RSPRY1: variants seen among roughly 807,000 people sequenced by gnomAD.
RSPRY1 encodes ring finger and SPRY domain containing 1, also known as RING finger and SPRY domain-containing protein 1.
A neutral mutation model predicts 73.1 loss-of-function variants in RSPRY1; 23 were observed. That is an observed-to-expected ratio of 0.31 (90% CI 0.23 to 0.45). The LOEUF is 0.45. Among genes scored for constraint, RSPRY1 ranks in the 20% least tolerant of loss-of-function variants. The pLI is 1.00. For synonymous variants in RSPRY1, 226 were observed against 251.4 expected (o/e 0.90, Z 0.95); for missense variants, 448 against 698.7 (o/e 0.64, Z 4.05).
At position 57,203,072 on chromosome 16, in the gene RSPRY1, G is replaced by A. The variant is rs999790404; in HGVS notation, c.-155-1432G>A. Among the ~76,000 whole-genome samples the A allele has an allele frequency of 8.6e-5, 13 of 152,006 alleles. No individual in the cohort carries two copies. The South Asian group carries it at 1.2e-3, about 15-fold the overall frequency. ...TGTAATCCCAGCACTTTGGGAGGCC[G>A]AGGTGGGCAGATAGCCTGAGGTCAG... is the stretch of plus-strand genomic sequence containing the variant. On this transcript the variant is annotated intron_variant, in intron 1 of 14. Coordinates refer to ENST00000394420, the MANE Select transcript of RSPRY1 (RefSeq NM_133368.3).
Position 57,206,166 on chromosome 16 carries a change from G to A in RSPRY1, c.350+1158G>A, listed in dbSNP as rs572114766. Among the ~76,000 whole-genome samples the A allele has an allele frequency of 1.1e-4, 16 of 152,306 alleles. No individual in the cohort carries two copies. In the South Asian group the frequency reaches 3.1e-3, roughly 30 times the overall value. On this transcript the variant is annotated intron_variant, in intron 2 of 14. Transcript: ENST00000394420. ...ACCTGTAATTCCAACACTTTTGAGA[G>A]GCTGAGGTAGAAAGATAGCTGGAGG...
intron 1 of RSPRY1, among the ~76,000 whole-genome samples, chr16:57,196,034 A>AAT (rs1555499008): frequency 0.16 from 19,857 of 122,456 alleles, 1,692 homozygotes; most frequent in African/African-American, 0.17. Flanking sequence ...AAAAAAAAAA[A>AAT]ATATATATAT....
intron 2 of RSPRY1, 146 bp from the exon 3 acceptor site, chr16:57,207,912 G>A (rs1297188550): frequency 1.6e-6 from 1 of 641,536 alleles, no homozygotes; most frequent in Admixed American, 2.5e-5. Context: ...ACAGGTCATA[G>A]CTCAGGTTGT....
chr16:57,191,869 A>T (rs1457632460), intron 1 of RSPRY1, among the ~76,000 whole-genome samples: 1 of 152,226 alleles, frequency 6.6e-6, no homozygotes, highest in Non-Finnish European at 1.5e-5. Flanking sequence ...ATGGAACAAG[A>T]GGCCTCCTTC....
intron 12 of RSPRY1, 46 bp from the exon 13 acceptor site, chr16:57,231,121 T>G: frequency 6.4e-7 from 1 of 1,568,322 alleles, no homozygotes; most frequent in Middle Eastern, 1.7e-4. Context: ...AACTCTATTT[T>G]GATTTTTATT....
intron 13 of RSPRY1, among the ~76,000 whole-genome samples, chr16:57,233,060 G>C (rs1462233560): frequency 1.3e-5 from 2 of 152,096 alleles, no homozygotes; most frequent in Non-Finnish European, 2.9e-5. Flanking sequence ...TTCATCCTGT[G>C]TTCCAAAAAT....
intron 10 of RSPRY1, among the ~76,000 whole-genome samples, chr16:57,226,686 G>A (rs62038962): frequency 6.6e-6 from 1 of 152,206 alleles, no homozygotes; most frequent in South Asian, 2.1e-4. Flanking sequence ...CTTGGTTTTG[G>A]TGGGTTTTGG....
intron 1 of RSPRY1, among the ~76,000 whole-genome samples, chr16:57,199,487 A>G (rs1363819685): frequency 6.6e-6 from 1 of 152,116 alleles, no homozygotes; most frequent in Non-Finnish European, 1.5e-5. Context: ...GTGAGACTCC[A>G]TCTCAAAAAA....
chr16:57,228,009 T>G (rs980586082), intron 11 of RSPRY1, among the ~76,000 whole-genome samples: 4 of 152,296 alleles, frequency 2.6e-5, no homozygotes, highest in Middle Eastern at 3.4e-3. Context: ...ACTGAATTTT[T>G]AGGCATGCTA....
intron 10 of RSPRY1, among the ~76,000 whole-genome samples, chr16:57,221,705 C>T (rs1280462224): frequency 1.3e-5 from 2 of 152,180 alleles, no homozygotes; most frequent in African/African-American, 2.4e-5. Context: ...GCTTCCACCC[C>T]AGCCACGTAC....
intron 14 of RSPRY1, among the ~76,000 whole-genome samples, chr16:57,236,763 A>G (rs933301043): frequency 3.9e-5 from 6 of 152,162 alleles, no homozygotes; most frequent in South Asian, 2.1e-4. Context: ...AGAAAAAACT[A>G]TTTTTTTATG....
chr16:57,190,779 A>T (rs2074339221), intron 1 of RSPRY1, among the ~76,000 whole-genome samples: 2 of 152,202 alleles, frequency 1.3e-5, no homozygotes, highest in African/African-American at 4.8e-5. Context: ...AACCTTTGTG[A>T]GTAGAGAAAA....
chr16:57,221,802 A>C (rs533380176), intron 10 of RSPRY1, among the ~76,000 whole-genome samples: 2 of 152,322 alleles, frequency 1.3e-5, no homozygotes, highest in South Asian at 4.1e-4. Flanking sequence ...TTTTCCTTTC[A>C]AAAAATAGAG....
At chr16:57,204,030 G>T (rs575470352) in intron 1 of RSPRY1, among the ~76,000 whole-genome samples, 1 of 152,012 alleles carries the variant, frequency 6.6e-6, no homozygotes, top group African/African-American at 2.4e-5. Context: ...AACAACAAAC[G>T]TCTGTAATTA....
In RSPRY1 at chr16:57,204,737, A is replaced by G. The variant is rs61746362; in HGVS notation, c.79A>G (p.Ile27Val). 29 of 1,614,234 alleles carry G rather than the reference A, an allele frequency of 1.8e-5. No individual in the cohort carries two copies. Among genetic ancestry groups the G allele is most frequent in the Middle Eastern group, 1.6e-4 (1 of 6,062 alleles). The stretch of plus-strand genomic sequence containing the variant: ...TCTGTTGTTGACTCTCGAAGAGCAC[A>G]TAGCCCACTTCCTAGGGACTGGAGG... ...QGLLLTLEEH[I>V]AHFLGTGGAA... The change falls in exon 2 of 15, where the codon ATA (isoleucine) becomes GTA (valine). Residue 27 changes from isoleucine (I) to valine (V), a missense_variant. Transcript: ENST00000394420.
chr16:57,201,016 C>T (rs1484670948), intron 1 of RSPRY1, among the ~76,000 whole-genome samples: 41 of 150,006 alleles, frequency 2.7e-4, no homozygotes, highest in Non-Finnish European at 5.2e-4. Flanking sequence ...GGGGCTGACC[C>T]CCCCACCTCC....
intron 4 of RSPRY1, among the ~76,000 whole-genome samples, chr16:57,209,634 T>A (rs1033962891): frequency 6.6e-6 from 1 of 152,130 alleles, no homozygotes; most frequent in East Asian, 1.9e-4. Context: ...CCCAAAGTGC[T>A]GGGACTACAG....
Position 57,225,090 on chromosome 16 carries a change from G to A in RSPRY1, c.1162-2252G>A, listed in dbSNP as rs536716665. On this transcript the variant is annotated intron_variant, in intron 10 of 14. Coordinates refer to ENST00000394420, the MANE Select transcript of RSPRY1 (RefSeq NM_133368.3). ...TTTTGTTTTGTTTTGAGACAGTCTC[G>A]CTCTGTCACCCAGGCCAGGGTGCAG... Among the ~76,000 whole-genome samples the A allele has an allele frequency of 3.3e-5, 5 of 152,138 alleles. No individual in the cohort carries two copies. In the East Asian group the frequency reaches 5.8e-4, roughly 18 times the overall value.
chr16:57,208,978 A>G (rs553013142), intron 3 of RSPRY1, 97 bp from the exon 4 acceptor site: 228 of 805,370 alleles, frequency 2.8e-4, no homozygotes, highest in Non-Finnish European at 4.0e-4. Flanking sequence ...TCTATAGACC[A>G]AAAGTCTTTC....
Sources: allele counts gnomAD v4.1 joint callset (sites outside exome capture counted in the v4.1 genomes callset), GRCh38; gene constraint gnomAD v4.1.1; transcripts MANE v1.5; gene names NCBI Gene and HGNC (gene_info 2026-07-23, HGNC 2026-07-21).